DIPK1A: variants seen among roughly 807,000 people sequenced by gnomAD.
The protein encoded by DIPK1A is divergent protein kinase domain 1A.
In DIPK1A, 27 loss-of-function variants were observed where a neutral mutation model predicts 40.8. That is an observed-to-expected ratio of 0.66 (90% CI 0.49 to 0.91). DIPK1A has a LOEUF of 0.91. Ranked by LOEUF, DIPK1A falls within the 40% of genes least tolerant of loss-of-function variation. DIPK1A has a pLI of 0.00. For synonymous variants in DIPK1A, 166 were observed against 171.3 expected (o/e 0.97, Z 0.24); for missense variants, 412 against 505.7 (o/e 0.81, Z 1.78).
intron 1 of DIPK1A, among the ~76,000 whole-genome samples, chr1:92,914,509 C>T (rs545087555): frequency 3.9e-5 from 6 of 152,236 alleles, no homozygotes; most frequent in South Asian, 4.2e-4. Context: ...GTGGCTCTCG[C>T]GTGTAATCCC....
intron 2 of DIPK1A, among the ~76,000 whole-genome samples, chr1:92,860,765 CAG>C (rs1256380949): frequency 6.7e-6 from 1 of 150,146 alleles, no homozygotes; most frequent in Non-Finnish European, 1.5e-5. Context: ...GCGTGGGCGA[CAG>C]AGCAAGACTG....
At chr1:92,944,313 A>G (rs1240675667) in intron 1 of DIPK1A, among the ~76,000 whole-genome samples, 1 of 152,234 alleles carries the variant, frequency 6.6e-6, no homozygotes, top group East Asian at 1.9e-4. Flanking sequence ...AACAAATAAT[A>G]TAATTTCCCA....
intron 2 of DIPK1A, among the ~76,000 whole-genome samples, chr1:92,864,284 T>C (rs1333077451): frequency 6.6e-6 from 1 of 152,254 alleles, no homozygotes; most frequent in African/African-American, 2.4e-5. Flanking sequence ...GTATATCTTA[T>C]GTTAGTTGCT....
intron 2 of DIPK1A, among the ~76,000 whole-genome samples, chr1:92,861,376 G>C (rs1395379196): frequency 1.6e-5 from 2 of 121,662 alleles, no homozygotes; most frequent in Non-Finnish European, 3.2e-5. Context: ...ACCCAGGCTG[G>C]AGTGCAATGG....
intron 1 of DIPK1A, among the ~76,000 whole-genome samples, chr1:92,914,508 G>A (rs577818662): frequency 1.3e-4 from 20 of 152,114 alleles, no homozygotes; most frequent in Non-Finnish European, 2.8e-4. Context: ...GGTGGCTCTC[G>A]CGTGTAATCC....
At chr1:92,919,933 C>T (rs1317112709) in intron 1 of DIPK1A, among the ~76,000 whole-genome samples, 1 of 152,172 alleles carries the variant, frequency 6.6e-6, no homozygotes, top group African/African-American at 2.4e-5. Flanking sequence ...TGCCATTAAT[C>T]GACATCATGT....
chr1:92,913,918 A>T (rs1395091702), intron 1 of DIPK1A, among the ~76,000 whole-genome samples: 1 of 152,232 alleles, frequency 6.6e-6, no homozygotes, highest in East Asian at 1.9e-4. Flanking sequence ...TGTGTAAACA[A>T]ATGGGATGTC....
intron 1 of DIPK1A, among the ~76,000 whole-genome samples, chr1:92,882,843 A>G (rs1648439273): frequency 6.6e-6 from 1 of 152,246 alleles, no homozygotes; most frequent in Non-Finnish European, 1.5e-5. Flanking sequence ...CCCACATATT[A>G]TATACAATGT....
rs763783145 is a variant in DIPK1A, at chr1:92,834,771, T to C, written c.475-1737A>G. ...CAGATTACTAACCTAGTTTCTCTCT[T>C]ACTATAGATTGCTTATGCCCGTATA... On this transcript the variant is annotated intron_variant, in intron 4 of 4. Coordinates refer to the DIPK1A transcript ENST00000615519. 26 of 1,612,726 alleles carry C rather than the reference T, an allele frequency of 1.6e-5. No homozygotes were observed. In the South Asian group the frequency reaches 2.9e-4, roughly 18 times the overall value.
rs903172157 is a variant in DIPK1A at position 92,880,912 on chromosome 1, C to A, written c.55-4482G>T. 2.8e-5 allele frequency among the ~76,000 whole-genome samples: 4 copies of A among 143,300 alleles called. No individual in the cohort carries two copies. In the East Asian group the frequency reaches 6.4e-4, roughly 23 times the overall value. 94.0% of individuals were successfully genotyped at this position (143,300 alleles called of 152,430 possible). The stretch of plus-strand genomic sequence containing the variant: ...AAACAAACAAAAAAACTACTTCTGG[C>A]GGGGCGCGGTGGCTCACGCTTGTAA... On this transcript the variant is annotated intron_variant, in intron 1 of 4. Transcript: ENST00000370310.
downstream of DIPK1A, chr1:92,841,854 G>C: frequency 1.2e-6 from 2 of 1,610,772 alleles, no homozygotes; most frequent in Non-Finnish European, 1.7e-6. Flanking sequence ...GGAGCGGGCT[G>C]CTGAGAGCTA....
chr1:92,856,034 G>A (rs1687975668), intron 2 of DIPK1A, among the ~76,000 whole-genome samples: 1 of 152,042 alleles, frequency 6.6e-6, no homozygotes, highest in Non-Finnish European at 1.5e-5. Context: ...ATGTGATTGT[G>A]CCACTGCACT....
chr1:92,924,365 T>C (rs1299315524), intron 1 of DIPK1A, among the ~76,000 whole-genome samples: 3 of 151,828 alleles, frequency 2.0e-5, no homozygotes, highest in African/African-American at 7.3e-5. Context: ...TTCAGAAAAA[T>C]GTTGAGTAGA....
chr1:92,849,946 G>A (rs898891597), intron 3 of DIPK1A, among the ~76,000 whole-genome samples: 4 of 151,766 alleles, frequency 2.6e-5, no homozygotes, highest in Non-Finnish European at 5.9e-5. Flanking sequence ...CCGTGCCACG[G>A]GCCCGGCTGT....
intron 1 of DIPK1A, among the ~76,000 whole-genome samples, chr1:92,879,727 A>G (rs1648287367): frequency 6.6e-6 from 1 of 152,184 alleles, no homozygotes; most frequent in African/African-American, 2.4e-5. Context: ...AGAGCCATAA[A>G]TTACATCTGT....
chr1:92,920,815 T>C (rs1240859876), intron 1 of DIPK1A, among the ~76,000 whole-genome samples: 1 of 152,120 alleles, frequency 6.6e-6, no homozygotes, highest in Non-Finnish European at 1.5e-5. Flanking sequence ...GGGCAATACA[T>C]CGCTTGAACT....
intron 1 of DIPK1A, among the ~76,000 whole-genome samples, chr1:92,893,341 CA>C (rs1489459419): frequency 6.6e-6 from 1 of 151,652 alleles, no homozygotes; most frequent in Non-Finnish European, 1.5e-5. Flanking sequence ...GAGTGGGGGC[CA>C]ATATTCAACA....
chr1:92,868,871 CAGG>C (rs1482401839), intron 2 of DIPK1A, among the ~76,000 whole-genome samples: 1 of 150,398 alleles, frequency 6.6e-6, no homozygotes, highest in Admixed American at 6.7e-5. Flanking sequence ...GAGGCTGAGG[CAGG>C]AGAATTGCTT....
At chr1:92,933,710 T>A (rs1406813507) in intron 1 of DIPK1A, 1 of 152,258 alleles carries the variant, frequency 6.6e-6, no homozygotes, top group Non-Finnish European at 1.5e-5. Context: ...ATTTGATTTA[T>A]CTTTATCTTT....
Sources: gnomAD v4.1 joint callset for allele counts (sites outside exome capture counted in the v4.1 genomes callset) on GRCh38, gnomAD v4.1.1 for gene constraint, MANE v1.5 for transcripts, NCBI Gene and HGNC (gene_info 2026-07-23, HGNC 2026-07-21) for gene names.